Variants in VSTM2L observed in about 807,000 individuals in gnomAD.
The protein encoded by VSTM2L is V-set and transmembrane domain-containing protein 2-like protein.
A neutral mutation model predicts 19.9 loss-of-function variants in VSTM2L; 9 were observed. The ratio of observed to expected loss-of-function variants is 0.45; its 90% CI spans 0.27 to 0.79. VSTM2L has a LOEUF of 0.79. VSTM2L is among the 30% of genes least tolerant of loss of function. The probability of loss-of-function intolerance (pLI) is 0.15; values close to 1 mark genes in which losing one functional copy is unlikely to be tolerated. For missense variants in VSTM2L, 286 were observed against 295.5 expected, an observed-to-expected ratio of 0.97 and a Z score of 0.24; for synonymous variants, 127 against 133.8, an observed-to-expected ratio of 0.95 and a Z score of 0.35.
At chr20:37,904,276 T>C (rs1156552407) in intron 1 of VSTM2L, among the ~76,000 whole-genome samples, 3 of 152,186 alleles carry the variant, frequency 2.0e-5, no homozygotes, top group African/African-American at 7.2e-5. Flanking sequence ...CGGGTGCTTT[T>C]GTCTGCCTCT....
chr20:37,905,778 C>T (rs1284703427), intron 1 of VSTM2L, among the ~76,000 whole-genome samples: 7 of 152,194 alleles, frequency 4.6e-5, no homozygotes, highest in Non-Finnish European at 1.0e-4. Context: ...AAGCACCCGC[C>T]ACCACAGGAA....
intron 3 of VSTM2L, among the ~76,000 whole-genome samples, chr20:37,941,486 C>T (rs80062801): frequency 6.6e-6 from 1 of 152,340 alleles, no homozygotes; most frequent in Non-Finnish European, 1.5e-5. Flanking sequence ...TTAGAAGTCA[C>T]ACGTGTGAGT....
At chr20:37,938,019 A>C (rs6021960) in intron 3 of VSTM2L, among the ~76,000 whole-genome samples, 5 of 151,954 alleles carry the variant, frequency 3.3e-5, no homozygotes, top group African/African-American at 1.2e-4. Context: ...GGGGACCATC[A>C]AAGAGTTTAA....
At chr20:37,923,638 A>AG (rs909051352) in intron 1 of VSTM2L, among the ~76,000 whole-genome samples, 1 of 152,078 alleles carries the variant, frequency 6.6e-6, no homozygotes, top group Non-Finnish European at 1.5e-5. Flanking sequence ...CTGAGCAGGG[A>AG]GGGGGGCTCA....
chr20:37,938,650 C>T (rs777105428), intron 3 of VSTM2L, among the ~76,000 whole-genome samples: 11 of 152,234 alleles, frequency 7.2e-5, no homozygotes, highest in Non-Finnish European at 1.3e-4. Context: ...GGCCAGGGTT[C>T]GGCCTTGTCT....
At chr20:37,921,838 C>CTTTTTTTTTTTTTTTTTTTTTTTTTT (rs756122087) in intron 1 of VSTM2L, among the ~76,000 whole-genome samples, 1 of 91,784 alleles carries the variant, frequency 1.1e-5, no homozygotes, top group Non-Finnish European at 2.0e-5. Flanking sequence ...CTTTCTTTTC[C>CTTTTTTTTTTTTTTTTTTTTTTTTTT]TTTTTTTTTT....
chr20:37,920,010 G>T (rs768871000), intron 1 of VSTM2L, among the ~76,000 whole-genome samples: 2 of 152,196 alleles, frequency 1.3e-5, no homozygotes, highest in Non-Finnish European at 2.9e-5. Context: ...CAGGAGACTG[G>T]CTCCAATGGC....
At chr20:37,938,606 T>C (rs1023509224) in intron 3 of VSTM2L, among the ~76,000 whole-genome samples, 2 of 152,214 alleles carry the variant, frequency 1.3e-5, no homozygotes, top group African/African-American at 2.4e-5. Context: ...GCCTGAGCTG[T>C]GGGGCAAGCA....
chr20:37,933,020 C>T (rs2122969201), intron 2 of VSTM2L, among the ~76,000 whole-genome samples: 1 of 152,372 alleles, frequency 6.6e-6, no homozygotes, highest in South Asian at 2.1e-4. Flanking sequence ...TAGAGGACTT[C>T]AGTGGCCAGA....
intron 1 of VSTM2L, among the ~76,000 whole-genome samples, chr20:37,914,241 CTA>C (rs960679486): frequency 4.3e-4 from 63 of 145,780 alleles, no homozygotes; most frequent in Non-Finnish European, 5.6e-4. Flanking sequence ...ATGTATATGT[CTA>C]TGTGTGTGTA....
intron 2 of VSTM2L, 68 bp from the exon 3 acceptor site, chr20:37,933,471 G>GCCCCCCCC: frequency 1.6e-6 from 2 of 1,255,736 alleles, no homozygotes; most frequent in Non-Finnish European, 1.1e-6. Flanking sequence ...TCCCCACACT[G>GCCCCCCCC]CCACCCCACC....
At chr20:37,929,416 C>T (rs2072896390) in intron 1 of VSTM2L, among the ~76,000 whole-genome samples, 1 of 152,110 alleles carries the variant, frequency 6.6e-6, no homozygotes, top group Non-Finnish European at 1.5e-5. Context: ...TCAAGGCTTG[C>T]TGCAGCCTTG....
intron 1 of VSTM2L, among the ~76,000 whole-genome samples, chr20:37,904,694 A>G (rs2072741738): frequency 6.6e-6 from 1 of 152,212 alleles, no homozygotes; most frequent in African/African-American, 2.4e-5. Flanking sequence ...CAAAGGCCAG[A>G]TAATTGGATG....
intron 1 of VSTM2L, among the ~76,000 whole-genome samples, chr20:37,915,487 G>T (rs977787021): frequency 2.0e-5 from 3 of 152,066 alleles, no homozygotes; most frequent in Non-Finnish European, 4.4e-5. Flanking sequence ...GCCAGGCTAC[G>T]TGAGGAGGTG....
In VSTM2L at chr20:37,944,622, C is replaced by T. The variant is rs994041168; in HGVS notation, c.*369C>T. The T allele has an allele frequency of 1.7e-4, 176 of 1,033,028 alleles. 1 individual carries two copies. The highest frequency in any genetic ancestry group is 1.6e-4 in the East Asian group (2 of 12,366). 64.0% of individuals were successfully genotyped at this position (1,033,028 alleles called of 1,614,324 possible). A position where few individuals can be genotyped will look rare whatever the true frequency, so the allele number is the denominator to read the frequency against. On this transcript the variant is annotated 3_prime_UTR_variant, in exon 4 of 4. Transcript: ENST00000373461. ...TCCCCCATCCTGTCCTGAGCCGGGG[C>T]CCCCCAGCCTCGCCTCCCTCCTCCT...
At chr20:37,928,151 TC>T (rs2072888792) in intron 1 of VSTM2L, among the ~76,000 whole-genome samples, 1 of 151,820 alleles carries the variant, frequency 6.6e-6, no homozygotes, top group African/African-American at 2.4e-5. Context: ...CCAACCAGGG[TC>T]CTCACCCCTC....
intron 1 of VSTM2L, among the ~76,000 whole-genome samples, chr20:37,909,411 T>A (rs1407852862): frequency 6.6e-6 from 1 of 152,026 alleles, no homozygotes; most frequent in African/African-American, 2.4e-5. Context: ...TGGGGTCAGA[T>A]TCCCTTGTGT....
chr20:37,937,789 C>A lies in VSTM2L; in HGVS notation c.342+4200C>A, dbSNP rs1031880190. 5.9e-5 allele frequency among the ~76,000 whole-genome samples: 9 copies of A among 152,272 alleles called. 1 individual carries two copies. The highest frequency in any genetic ancestry group is 2.2e-4 in the African/African-American group (9 of 41,556). On this transcript the variant is annotated intron_variant, in intron 3 of 3. Coordinates refer to ENST00000373461, the MANE Select transcript of VSTM2L (RefSeq NM_080607.3). ...ATAAAAAATACAATTACAACTGTGACCAAAATGAGGAGAGCTGCCATAATG... is the reference window on the plus strand; with the variant it reads ...ATAAAAAATACAATTACAACTGTGAACAAAATGAGGAGAGCTGCCATAATG...
In VSTM2L at chr20:37,908,853, A is replaced by G. The variant is rs77189596; in HGVS notation, c.121+5382A>G. Among the ~76,000 whole-genome samples the G allele has an allele frequency of 1.9e-3, 289 of 152,346 alleles. 2 individuals carry two copies. Among genetic ancestry groups the G allele is most frequent in the African/African-American group, 6.6e-3 (275 of 41,586 alleles). The stretch of plus-strand genomic sequence containing the variant: ...AAAAGAGGAGAGATAAACATATGGA[A>G]GCAAGTGTGTGTTGAGTGCCATGCC... On this transcript the variant is annotated intron_variant, in intron 1 of 3. Transcript: ENST00000373461.
Sources: gnomAD v4.1 joint callset for allele counts (sites outside exome capture counted in the v4.1 genomes callset) on GRCh38, gnomAD v4.1.1 for gene constraint, MANE v1.5 for transcripts, NCBI Gene and HGNC (gene_info 2026-07-23, HGNC 2026-07-21) for gene names.